Variants in DGKG observed in about 807,000 individuals in gnomAD.
DGKG encodes diacylglycerol kinase gamma, also known as DAG kinase gamma.
In DGKG, 78 loss-of-function variants were observed where a neutral mutation model predicts 105.3. That is an observed-to-expected ratio of 0.74 (90% CI 0.62 to 0.89). The LOEUF (loss-of-function observed/expected upper bound fraction) is 0.89, where lower values mean the gene tolerates loss of function less well. DGKG is among the 40% of genes least tolerant of loss of function. The probability of loss-of-function intolerance (pLI) is 0.00; values close to 1 mark genes in which losing one functional copy is unlikely to be tolerated. For synonymous variants in DGKG, 346 were observed against 367.1 expected, an observed-to-expected ratio of 0.94 and a Z score of 0.66; for missense variants, 958 against 1,020.1, an observed-to-expected ratio of 0.94 and a Z score of 0.83.
At chr3:186,323,864 G>A (rs543937808) in intron 1 of DGKG, among the ~76,000 whole-genome samples, 7 of 149,786 alleles carry the variant, frequency 4.7e-5, no homozygotes, top group Admixed American at 6.7e-5. Context: ...TTGAACCCAG[G>A]ATGCAGACCT....
Position 186,280,837 on chromosome 3 carries a change from G to A in DGKG, c.595-93C>T. ...TCAAAATTAAGCCCAGTGGGAAGAG[G>A]GACAGGGCAGGGCAAGAGAAGAAGC... On this transcript the variant is annotated intron_variant, in intron 7 of 24. Coordinates refer to ENST00000265022, the MANE Select transcript of DGKG (RefSeq NM_001346.3). 5 of 1,013,432 alleles carry A rather than the reference G, an allele frequency of 4.9e-6. No homozygotes were observed. In the South Asian group the frequency reaches 5.6e-5, roughly 11 times the overall value. 62.8% of individuals were successfully genotyped at this position (1,013,432 alleles called of 1,614,324 possible). A position where few individuals can be genotyped will look rare whatever the true frequency, so the allele number is the denominator to read the frequency against.
chr3:186,346,678 A>ATACTC (rs954190792), intron 1 of DGKG, among the ~76,000 whole-genome samples: 18 of 152,260 alleles, frequency 1.2e-4, no homozygotes, highest in African/African-American at 4.1e-4. Context: ...ATACTATACT[A>ATACTC]TACTCAGTTT....
At chr3:186,318,907 T>C (rs1426121015) in intron 2 of DGKG, among the ~76,000 whole-genome samples, 1 of 152,220 alleles carries the variant, frequency 6.6e-6, no homozygotes, top group Admixed American at 6.5e-5. Flanking sequence ...GTTTCCACGC[T>C]TAGTTTATCC....
intron 19 of DGKG, among the ~76,000 whole-genome samples, chr3:186,248,448 G>A (rs1721052061): frequency 2.0e-5 from 3 of 152,200 alleles, no homozygotes; most frequent in African/African-American, 7.2e-5. Flanking sequence ...CCAGCGAAGA[G>A]CCACTTCCTT....
At chr3:186,214,765 C>T (rs944551810) in intron 20 of DGKG, among the ~76,000 whole-genome samples, 5 of 152,110 alleles carry the variant, frequency 3.3e-5, no homozygotes, top group Admixed American at 2.6e-4. Context: ...ATTCATTGTG[C>T]CAGGGACTAG....
At chr3:186,182,848 A>T (rs1717424813) in intron 22 of DGKG, among the ~76,000 whole-genome samples, 1 of 152,140 alleles carries the variant, frequency 6.6e-6, no homozygotes, top group Non-Finnish European at 1.5e-5. Flanking sequence ...TGAGCCAGGC[A>T]GGGTGGGAGG....
At chr3:186,183,707 C>CTTT (rs1215514780) in intron 22 of DGKG, among the ~76,000 whole-genome samples, 1 of 146,022 alleles carries the variant, frequency 6.8e-6, no homozygotes, top group Non-Finnish European at 1.5e-5. Context: ...TTCTTTCTTT[C>CTTT]TTTTTTTTTT....
rs761047719 is a variant in DGKG, at chr3:186,320,486, G to C, written c.-27C>G. 1.9e-6 allele frequency: 3 copies of C among 1,614,042 alleles called. No individual in the cohort carries two copies. Among genetic ancestry groups the C allele is most frequent in the Admixed American group, 1.7e-5 (1 of 60,008 alleles). On this transcript the variant is annotated 5_prime_UTR_variant, in exon 2 of 25. Coordinates refer to ENST00000265022, the MANE Select transcript of DGKG (RefSeq NM_001346.3). Reference sequence around the variant, plus strand: ...TTTAAACTTTATGTGAGTGGCTAAAGGGCAGTGATGGAGTTTTGTTCACTA... The same window carrying C: ...TTTAAACTTTATGTGAGTGGCTAAACGGCAGTGATGGAGTTTTGTTCACTA...
At chr3:186,257,198 G>C (rs1721522013) in intron 17 of DGKG, among the ~76,000 whole-genome samples, 1 of 152,178 alleles carries the variant, frequency 6.6e-6, no homozygotes. Flanking sequence ...ACTTTGCAGT[G>C]TTTGTCTGGG....
chr3:186,280,508 A>T (rs1281974970), intron 8 of DGKG, among the ~76,000 whole-genome samples, 162 bp downstream of exon 8: 1 of 152,104 alleles, frequency 6.6e-6, no homozygotes, highest in Non-Finnish European at 1.5e-5. Flanking sequence ...CATTTTTCCT[A>T]TCAGAGAGGT....
chr3:186,360,374 G>C (rs1403142659), intron 1 of DGKG, among the ~76,000 whole-genome samples: 1 of 152,162 alleles, frequency 6.6e-6, no homozygotes, highest in Non-Finnish European at 1.5e-5. Context: ...AATGCCTATA[G>C]TGCTGGGTGT....
intron 22 of DGKG, among the ~76,000 whole-genome samples, chr3:186,173,617 A>G (rs1160271469): frequency 6.6e-6 from 1 of 152,262 alleles, no homozygotes; most frequent in East Asian, 1.9e-4. Flanking sequence ...TTGGGCACTC[A>G]AAGCCCAACA....
chr3:186,351,226 T>C (rs1726615898), intron 1 of DGKG, among the ~76,000 whole-genome samples: 1 of 152,240 alleles, frequency 6.6e-6, no homozygotes, highest in Non-Finnish European at 1.5e-5. Flanking sequence ...GTGGATTATA[T>C]TGGTGTCCTT....
chr3:186,189,558 T>C (rs2108501632), intron 21 of DGKG, among the ~76,000 whole-genome samples: 1 of 152,308 alleles, frequency 6.6e-6, no homozygotes, highest in South Asian at 2.1e-4. Flanking sequence ...GGTCTTTATG[T>C]TGTTTATTGG....
intron 1 of DGKG, among the ~76,000 whole-genome samples, chr3:186,325,120 A>G (rs1725273193): frequency 6.6e-6 from 1 of 152,236 alleles, no homozygotes; most frequent in Non-Finnish European, 1.5e-5. Flanking sequence ...AGAAAATACC[A>G]AATACCAAAT....
At chr3:186,355,025 A>G (rs996986543) in intron 1 of DGKG, among the ~76,000 whole-genome samples, 1 of 152,076 alleles carries the variant, frequency 6.6e-6, no homozygotes, top group African/African-American at 2.4e-5. Flanking sequence ...ATTGAATAAC[A>G]TCCCAGGGTG....
chr3:186,359,000 C>T (rs1262304264), intron 1 of DGKG, among the ~76,000 whole-genome samples: 1 of 152,186 alleles, frequency 6.6e-6, no homozygotes, highest in Non-Finnish European at 1.5e-5. Context: ...ATAGGTATAG[C>T]TTTATGTTGT....
At chr3:186,331,462 A>G (rs1353351204) in intron 1 of DGKG, among the ~76,000 whole-genome samples, 2 of 152,238 alleles carry the variant, frequency 1.3e-5, no homozygotes, top group Non-Finnish European at 2.9e-5. Flanking sequence ...AAACATAAAC[A>G]CAAAAGTCTT....
intron 22 of DGKG, among the ~76,000 whole-genome samples, chr3:186,170,036 T>C (rs532891018): frequency 1.4e-4 from 21 of 152,268 alleles, no homozygotes; most frequent in African/African-American, 4.6e-4. Context: ...ATTCCACCTG[T>C]AGTCCCAGTG....
Sources: gnomAD v4.1 joint callset for allele counts (sites outside exome capture counted in the v4.1 genomes callset) on GRCh38, gnomAD v4.1.1 for gene constraint, MANE v1.5 for transcripts, NCBI Gene and HGNC (gene_info 2026-07-23, HGNC 2026-07-21) for gene names.